The following CREB5 variants were observed in gnomAD, a reference collection of about 807,000 sequenced individuals.
CREB5 encodes the protein cAMP responsive element binding protein 5.
A neutral mutation model predicts 57.1 loss-of-function variants in CREB5; 19 were observed. That is an observed-to-expected ratio of 0.33 (90% CI 0.23 to 0.49). The LOEUF is 0.49. Among genes scored for constraint, CREB5 ranks in the 20% least tolerant of loss-of-function variants. The probability of loss-of-function intolerance (pLI) is 0.99; values close to 1 mark genes in which losing one functional copy is unlikely to be tolerated. For missense variants in CREB5, 579 were observed against 671.6 expected (o/e 0.86, Z 1.52); for synonymous variants, 238 against 238.3 (o/e 1.00, Z 0.01).
chr7:28,506,114 G>T (rs1312033567), intron 3 of CREB5, among the ~76,000 whole-genome samples: 1 of 152,170 alleles, frequency 6.6e-6, no homozygotes, highest in African/African-American at 2.4e-5. Flanking sequence ...AGCCATTTGG[G>T]TGCTGAAAGT....
In CREB5 at chr7:28,372,334, G is replaced by A. The variant is rs907483834; in HGVS notation, c.-25+72893G>A. Among the ~76,000 whole-genome samples, 8 of 152,312 alleles carry A rather than the reference G, an allele frequency of 5.3e-5. No homozygotes were observed. In the East Asian group the frequency reaches 9.6e-4, roughly 18 times the overall value. On this transcript the variant is annotated intron_variant, in intron 1 of 9. Coordinates refer to the CREB5 transcript ENST00000396299. The stretch of plus-strand genomic sequence containing the variant: ...ATTTGGGGAGGGTTTCCCCTAGAAG[G>A]AGTGGCCAAGTAATAATGGAGACGT...
intron 5 of CREB5, among the ~76,000 whole-genome samples, chr7:28,605,031 T>C (rs946385892): frequency 1.3e-5 from 2 of 152,042 alleles, no homozygotes; most frequent in African/African-American, 4.8e-5. Flanking sequence ...GAAAAATTTA[T>C]GCCCTTTCTC....
chr7:28,430,142 GA>G (rs1489399633), intron 1 of CREB5, among the ~76,000 whole-genome samples: 1 of 152,158 alleles, frequency 6.6e-6, no homozygotes, highest in Non-Finnish European at 1.5e-5. Flanking sequence ...TGGCTCCATG[GA>G]TACATATTTG....
At chr7:28,560,608 T>G (rs12333713) in intron 4 of CREB5, among the ~76,000 whole-genome samples, 53,831 of 151,610 alleles carry the variant, frequency 0.36, 9,878 homozygotes, top group Middle Eastern at 0.4. Context: ...CTAAAGCTAG[T>G]GGGATGGTCA....
intron 7 of CREB5, among the ~76,000 whole-genome samples, chr7:28,751,389 G>T (rs919903656): frequency 2.6e-5 from 4 of 152,226 alleles, no homozygotes; most frequent in African/African-American, 9.6e-5. Flanking sequence ...TGAAGATCCA[G>T]TGGATTTTGT....
chr7:28,627,460 C>T (rs1562535567), intron 5 of CREB5, among the ~76,000 whole-genome samples: 2 of 151,940 alleles, frequency 1.3e-5, no homozygotes, highest in African/African-American at 2.4e-5. Context: ...GGGGTGGAGC[C>T]CAGGCATCAG....
chr7:28,368,005 A>G (rs574016792), intron 1 of CREB5, among the ~76,000 whole-genome samples: 18 of 152,202 alleles, frequency 1.2e-4, no homozygotes, highest in African/African-American at 4.3e-4. Context: ...CCCACCAATG[A>G]TCTATGCTCC....
intron 1 of CREB5, among the ~76,000 whole-genome samples, chr7:28,440,043 A>G (rs1396252870): frequency 6.6e-6 from 1 of 152,212 alleles, no homozygotes; most frequent in Non-Finnish European, 1.5e-5. Context: ...CTGGGATATC[A>G]GTTGAAAAAC....
At chr7:28,351,959 A>G (rs1220153744) in intron 1 of CREB5, among the ~76,000 whole-genome samples, 1 of 152,230 alleles carries the variant, frequency 6.6e-6, no homozygotes, top group African/African-American at 2.4e-5. Flanking sequence ...TGGAAACCAC[A>G]TGCAACTAGT....
chr7:28,325,997 A>G (rs557512739), intron 1 of CREB5, among the ~76,000 whole-genome samples: 4 of 152,148 alleles, frequency 2.6e-5, no homozygotes, highest in African/African-American at 9.6e-5. Flanking sequence ...GGCTCATTTT[A>G]TTCTTTCTCT....
intron 1 of CREB5, among the ~76,000 whole-genome samples, chr7:28,474,344 C>T (rs538798278): frequency 3.9e-5 from 6 of 152,234 alleles, no homozygotes; most frequent in South Asian, 2.1e-4. Context: ...GTTTCAAATG[C>T]GAGATGGGAG....
At chr7:28,779,516 A>G (rs1490124459) in intron 7 of CREB5, among the ~76,000 whole-genome samples, 2 of 152,158 alleles carry the variant, frequency 1.3e-5, no homozygotes, top group African/African-American at 2.4e-5. Flanking sequence ...ACTGCCCTCA[A>G]TTGGTGACAG....
chr7:28,616,586 C>T (rs1797603961), intron 5 of CREB5, among the ~76,000 whole-genome samples: 1 of 152,080 alleles, frequency 6.6e-6, no homozygotes, highest in Non-Finnish European at 1.5e-5. Flanking sequence ...CTTGACTCAA[C>T]CTCTGGCACC....
At chr7:28,411,119 C>G (rs887126470), upstream of CREB5, among the ~76,000 whole-genome samples, 5 of 152,182 alleles carry the variant, frequency 3.3e-5, no homozygotes, top group African/African-American at 1.2e-4. Flanking sequence ...TAAGCCTTCT[C>G]CTCTAGGGCG....
chr7:28,393,785 G>A (rs779185573), intron 1 of CREB5, among the ~76,000 whole-genome samples: 12 of 152,044 alleles, frequency 7.9e-5, no homozygotes, highest in Non-Finnish European at 1.2e-4. Flanking sequence ...GTGTTAAAGT[G>A]GACTTGGGAC....
chr7:28,331,848 CAAA>C (rs145837781), intron 1 of CREB5, among the ~76,000 whole-genome samples: 11 of 75,606 alleles, frequency 1.5e-4, no homozygotes, highest in African/African-American at 1.6e-4. Flanking sequence ...AACTCCATCT[CAAA>C]AAAAAAAAAA....
chr7:28,486,303 G>A (rs1173156026), intron 1 of CREB5, among the ~76,000 whole-genome samples: 2 of 152,046 alleles, frequency 1.3e-5, no homozygotes, highest in Non-Finnish European at 2.9e-5. Context: ...AAACATTAGT[G>A]TTTGTGGGGG....
At chr7:28,600,678 A>T (rs1048076906) in intron 5 of CREB5, among the ~76,000 whole-genome samples, 1 of 152,202 alleles carries the variant, frequency 6.6e-6, no homozygotes, top group East Asian at 1.9e-4. Flanking sequence ...TTCTATTACA[A>T]ATAAAAGTTA....
At chr7:28,775,375 A>G (rs1279440995) in intron 7 of CREB5, among the ~76,000 whole-genome samples, 4 of 151,926 alleles carry the variant, frequency 2.6e-5, no homozygotes, top group Non-Finnish European at 5.9e-5. Flanking sequence ...TTATTATTCA[A>G]TGTTGAAGAC....
Sources: allele counts gnomAD v4.1 joint callset (sites outside exome capture counted in the v4.1 genomes callset), GRCh38; gene constraint gnomAD v4.1.1; transcripts MANE v1.5; gene names NCBI Gene and HGNC (gene_info 2026-07-23, HGNC 2026-07-21).